Variants in MRTFA observed in about 807,000 individuals in gnomAD.
MRTFA encodes the protein myocardin-related transcription factor A.
MRTFA carries 20 observed loss-of-function variants against 83.5 expected under a neutral mutation model. The observed-to-expected ratio is 0.24, with a 90% CI of 0.17 to 0.35. The LOEUF is 0.35. Ranked by LOEUF, MRTFA falls within the 10% of genes least tolerant of loss-of-function variation. The probability of loss-of-function intolerance (pLI) is 1.00; values close to 1 mark genes in which losing one functional copy is unlikely to be tolerated. For synonymous variants in MRTFA, 659 were observed against 541.2 expected, an observed-to-expected ratio of 1.22 and a Z score of -3.02; for missense variants, 1,200 against 1,224.7, an observed-to-expected ratio of 0.98 and a Z score of 0.30.
At chr22:40,619,531 G>T (rs957373010) in intron 1 of MRTFA, among the ~76,000 whole-genome samples, 1 of 152,142 alleles carries the variant, frequency 6.6e-6, no homozygotes, top group Non-Finnish European at 1.5e-5. Flanking sequence ...TGAAGGTACA[G>T]CCTGGTTTCT....
At chr22:40,615,794 C>A (rs1469363207) in intron 1 of MRTFA, among the ~76,000 whole-genome samples, 2 of 151,640 alleles carry the variant, frequency 1.3e-5, no homozygotes, top group Non-Finnish European at 2.9e-5. Flanking sequence ...AAGTGATTCT[C>A]CTGCCTCAGC....
At chr22:40,528,318 T>A (rs1044575287) in intron 3 of MRTFA, among the ~76,000 whole-genome samples, 1 of 152,138 alleles carries the variant, frequency 6.6e-6, no homozygotes, top group African/African-American at 2.4e-5. Flanking sequence ...TGGGAAAAAT[T>A]ATAAACAATC....
At chr22:40,510,836 G>C (rs1238327191) in intron 3 of MRTFA, among the ~76,000 whole-genome samples, 1 of 152,136 alleles carries the variant, frequency 6.6e-6, no homozygotes, top group Non-Finnish European at 1.5e-5. Context: ...AGTGAGGCCA[G>C]AAGGCTGGCA....
chr22:40,475,910 C>T (rs976491501), intron 3 of MRTFA, among the ~76,000 whole-genome samples: 11 of 152,022 alleles, frequency 7.2e-5, no homozygotes, highest in South Asian at 2.1e-4. Flanking sequence ...TTCGGGAGGC[C>T]GAGGCGGGTG....
intron 2 of MRTFA, among the ~76,000 whole-genome samples, chr22:40,554,770 A>G (rs1025090882): frequency 1.3e-5 from 2 of 152,222 alleles, no homozygotes; most frequent in African/African-American, 4.8e-5. Flanking sequence ...AGCTTTTTGT[A>G]AAGTAAACTA....
chr22:40,429,381 A>G, intron 7 of MRTFA: 1 of 673,174 alleles, frequency 1.5e-6, no homozygotes, highest in South Asian at 1.7e-5. Flanking sequence ...CTCTGTTATT[A>G]TTTATTGTTG....
At position 40,634,572 on chromosome 22, in the gene MRTFA, T is replaced by C. The variant is rs553622985; in HGVS notation, c.-84+1906A>G. On this transcript the variant is annotated intron_variant, in intron 1 of 14. Transcript: ENST00000355630. ...TGTATTTCAGCGCGTTACAATCATC[T>C]GTCATTTTTTGCCTCTCCCACTAGA... 3.3e-5 allele frequency among the ~76,000 whole-genome samples: 5 copies of C among 152,328 alleles called. No individual in the cohort carries two copies. In the South Asian group the frequency reaches 1.0e-3, roughly 32 times the overall value.
intron 1 of MRTFA, among the ~76,000 whole-genome samples, chr22:40,601,491 G>C (rs1485275761): frequency 6.6e-6 from 1 of 152,220 alleles, no homozygotes; most frequent in African/African-American, 2.4e-5. Flanking sequence ...TTACAGGCAT[G>C]AGCCACCATG....
At chr22:40,453,737 A>T in intron 4 of MRTFA, among the ~76,000 whole-genome samples, 1 of 152,150 alleles carries the variant, frequency 6.6e-6, no homozygotes, top group East Asian at 1.9e-4. Flanking sequence ...TTAAAAAAAA[A>T]AATTGTTAAA....
At chr22:40,489,501 C>G (rs1161890155) in intron 3 of MRTFA, among the ~76,000 whole-genome samples, 2 of 151,384 alleles carry the variant, frequency 1.3e-5, no homozygotes, top group African/African-American at 2.4e-5. Flanking sequence ...TTTCTAGAGA[C>G]AGGGTCTCAC....
chr22:40,571,104 G>A (rs147518819), intron 2 of MRTFA, among the ~76,000 whole-genome samples: 1,985 of 150,174 alleles, frequency 0.013, 33 homozygotes, highest in African/African-American at 0.045. Context: ...AGCTACTCAG[G>A]AGGTTGAGGC....
chr22:40,525,013 C>T (rs2054941774), intron 3 of MRTFA, among the ~76,000 whole-genome samples: 2 of 152,116 alleles, frequency 1.3e-5, no homozygotes, highest in Admixed American at 6.5e-5. Flanking sequence ...TTTCGCCATA[C>T]TGGCCAGGCT....
At chr22:40,597,297 G>A (rs888727372) in intron 1 of MRTFA, among the ~76,000 whole-genome samples, 4 of 152,260 alleles carry the variant, frequency 2.6e-5, no homozygotes, top group Middle Eastern at 3.4e-3. Context: ...ACATTCTCAC[G>A]AATACGTCTG....
chr22:40,482,578 G>A (rs1425974333), intron 3 of MRTFA, among the ~76,000 whole-genome samples: 1 of 152,180 alleles, frequency 6.6e-6, no homozygotes, highest in African/African-American at 2.4e-5. Context: ...CTAGGAATGT[G>A]CTTCCTTTAG....
intron 4 of MRTFA, among the ~76,000 whole-genome samples, chr22:40,454,381 G>C (rs1365521950): frequency 6.6e-6 from 1 of 152,128 alleles, no homozygotes; most frequent in East Asian, 1.9e-4. Flanking sequence ...CTCCCAAAGT[G>C]CTGAAATTAC....
intron 3 of MRTFA, among the ~76,000 whole-genome samples, chr22:40,467,418 A>G (rs2053828477): frequency 6.6e-6 from 1 of 152,218 alleles, no homozygotes; most frequent in Non-Finnish European, 1.5e-5. Flanking sequence ...AGCTGTTTAT[A>G]TGGAGTTTTT....
intron 3 of MRTFA, among the ~76,000 whole-genome samples, chr22:40,504,174 T>C (rs1751510041): frequency 6.6e-6 from 1 of 152,140 alleles, no homozygotes. Context: ...CTAATTGCTT[T>C]GTGGCTGAAA....
intron 2 of MRTFA, among the ~76,000 whole-genome samples, chr22:40,567,426 A>G (rs988619539): frequency 2.6e-5 from 4 of 152,242 alleles, no homozygotes; most frequent in Non-Finnish European, 5.9e-5. Flanking sequence ...CACGCTACGT[A>G]TAAGAGACCT....
intron 2 of MRTFA, among the ~76,000 whole-genome samples, chr22:40,582,419 CTT>C (rs1391673678): frequency 6.6e-6 from 1 of 152,024 alleles, no homozygotes; most frequent in Non-Finnish European, 1.5e-5. Flanking sequence ...TTTCAATTCT[CTT>C]GAGTATATAA....
Sources: allele counts gnomAD v4.1 joint callset (sites outside exome capture counted in the v4.1 genomes callset), GRCh38; gene constraint gnomAD v4.1.1; transcripts MANE v1.5; gene names NCBI Gene and HGNC (gene_info 2026-07-23, HGNC 2026-07-21).